The following OGDH variants were observed in gnomAD, a reference collection of about 807,000 sequenced individuals.
OGDH encodes oxoglutarate dehydrogenase.
OGDH carries 38 observed loss-of-function variants against 116.6 expected under a neutral mutation model. The ratio of observed to expected loss-of-function variants is 0.33; its 90% CI spans 0.25 to 0.43. The LOEUF (loss-of-function observed/expected upper bound fraction) is 0.43. Among genes scored for constraint, OGDH ranks in the 20% least tolerant of loss-of-function variants. OGDH has a pLI of 1.00. For missense variants in OGDH, 825 were observed against 1,357.2 expected, an observed-to-expected ratio of 0.61 and a Z score of 6.16; for synonymous variants, 488 against 533.3, an observed-to-expected ratio of 0.92 and a Z score of 1.17.
intron 4 of OGDH, among the ~76,000 whole-genome samples, chr7:44,653,485 TCA>T (rs1786544020): frequency 6.6e-6 from 1 of 152,218 alleles, no homozygotes; most frequent in Non-Finnish European, 1.5e-5. Context: ...GTATAACTTT[TCA>T]CAGTGACAAA....
At chr7:44,689,179 A>G (rs1475996756) in intron 10 of OGDH, among the ~76,000 whole-genome samples, 4 of 148,052 alleles carry the variant, frequency 2.7e-5, no homozygotes, top group African/African-American at 1.0e-4. Flanking sequence ...TGCCATTTTT[A>G]CATTCCCACT....
At chr7:44,696,779 C>T in intron 14 of OGDH, 135 bp from the exon 15 acceptor site, 2 of 1,270,550 alleles carry the variant, frequency 1.6e-6, no homozygotes, top group Non-Finnish European at 2.1e-6. Flanking sequence ...ACTGAGGTCA[C>T]AGCTTTTCCA....
intron 1 of OGDH, among the ~76,000 whole-genome samples, chr7:44,622,447 TTTTG>T (rs1010517071): frequency 8.7e-4 from 132 of 152,282 alleles, no homozygotes; most frequent in African/African-American, 3.1e-3. Flanking sequence ...AGGAGCAAGT[TTTTG>T]TTTGTTGTTC....
chr7:44,612,865 T>TTTTTCTTTTCTTTTC (rs367833555), intron 1 of OGDH, among the ~76,000 whole-genome samples: 1 of 147,368 alleles, frequency 6.8e-6, no homozygotes, highest in African/African-American at 2.5e-5. Context: ...CTGGCTGTTT[T>TTTTTCTTTTCTTTTC]TTTTCTTTTC....
In OGDH at chr7:44,697,855, T is replaced by C. The variant is rs947591832; in HGVS notation, c.2358+73T>C. 33 of 1,511,778 alleles carry C rather than the reference T, an allele frequency of 2.2e-5. No individual in the cohort carries two copies. The highest frequency in any genetic ancestry group is 2.9e-5 in the Non-Finnish European group (33 of 1,130,132). The allele number at this position is 1,511,778 out of a possible 1,614,324, so 93.6% of individuals were successfully genotyped here. Reference sequence around the variant, plus strand: ...TGTGTAGGACCCTGACCCCAAAGACTGGCACGAGAGCCAGTGGCTCACACC... The same window carrying C: ...TGTGTAGGACCCTGACCCCAAAGACCGGCACGAGAGCCAGTGGCTCACACC... On this transcript the variant is annotated intron_variant, in intron 17 of 22. Coordinates refer to ENST00000222673, the MANE Select transcript of OGDH (RefSeq NM_002541.4). The surrounding 1 kb of genome is among the most constrained non-coding windows in gnomAD (Gnocchi z 6.0).
At chr7:44,638,818 T>C (rs764875619) in intron 2 of OGDH, among the ~76,000 whole-genome samples, 2 of 152,242 alleles carry the variant, frequency 1.3e-5, no homozygotes, top group Non-Finnish European at 2.9e-5. Context: ...AGATGGGACA[T>C]GCTTTGACTC....
chr7:44,616,652 CAT>C (rs973996535), intron 1 of OGDH, among the ~76,000 whole-genome samples: 2 of 146,946 alleles, frequency 1.4e-5, no homozygotes, highest in African/African-American at 2.5e-5. Context: ...TATATATACA[CAT>C]ATATATACGT....
At chr7:44,620,563 C>T (rs376015743) in intron 1 of OGDH, among the ~76,000 whole-genome samples, 22 of 152,180 alleles carry the variant, frequency 1.4e-4, no homozygotes, top group African/African-American at 5.1e-4. Context: ...CTAGTTGTCC[C>T]AGCACCTTCA....
intron 1 of OGDH, among the ~76,000 whole-genome samples, chr7:44,610,843 G>T (rs747328127): frequency 1.1e-4 from 16 of 150,056 alleles, no homozygotes; most frequent in Non-Finnish European, 1.5e-4. Flanking sequence ...TCCTGACCTC[G>T]TGATCGACAC....
chr7:44,645,645 C>T, intron 3 of OGDH, 127 bp downstream of exon 3: 1 of 863,552 alleles, frequency 1.2e-6, no homozygotes, highest in Non-Finnish European at 1.7e-6. Flanking sequence ...ATACTAGGTG[C>T]TTTCTCCCTG....
intron 10 of OGDH, among the ~76,000 whole-genome samples, chr7:44,684,515 T>C (rs760104590): frequency 3.9e-5 from 6 of 152,198 alleles, no homozygotes; most frequent in Non-Finnish European, 8.8e-5. Flanking sequence ...AGCTACCACT[T>C]ACTGCCTACT....
intron 1 of OGDH, among the ~76,000 whole-genome samples, chr7:44,612,321 C>T (rs1309347149): frequency 1.3e-5 from 2 of 152,094 alleles, no homozygotes; most frequent in African/African-American, 4.8e-5. Context: ...GTCTCAAAAT[C>T]GGATAGATTG....
intron 5 of OGDH, among the ~76,000 whole-genome samples, chr7:44,668,751 A>G (rs192887446): frequency 2.6e-5 from 4 of 152,354 alleles, no homozygotes; most frequent in Admixed American, 2.6e-4. Context: ...TACTAGCCAC[A>G]TGTTACTATT....
At chr7:44,692,512 G>A (rs1364029667) in intron 10 of OGDH, among the ~76,000 whole-genome samples, 3 of 152,180 alleles carry the variant, frequency 2.0e-5, no homozygotes, top group Admixed American at 6.5e-5. Context: ...GGAGGCCTGC[G>A]GGCTTGAGCC....
chr7:44,610,900 G>A lies in OGDH; in HGVS notation c.-28+4247G>A, dbSNP rs184069348. Among the ~76,000 whole-genome samples, 303 of 152,226 alleles carry A rather than the reference G, an allele frequency of 2.0e-3. 3 individuals carry two copies. Among genetic ancestry groups the A allele is most frequent in the African/African-American group, 6.9e-3 (286 of 41,534 alleles). On this transcript the variant is annotated intron_variant, in intron 1 of 22. Transcript: ENST00000222673. ...TGGGATTACAGGCGTGAGCCACCGC[G>A]CTCAGCCCCTTTTCATCTTCTTAAC... is the stretch of plus-strand genomic sequence containing the variant.
chr7:44,694,580 C>A lies in OGDH; in HGVS notation c.1668+4C>A. 2 of 1,613,892 alleles carry A rather than the reference C, an allele frequency of 1.2e-6. No individual in the cohort carries two copies. The highest frequency in any genetic ancestry group is 1.7e-6 in the Non-Finnish European group (2 of 1,179,860). On this transcript the variant is annotated splice_donor_region_variant and intron_variant, in intron 12 of 22. Transcript: ENST00000222673. This position sits in a 1 kb window ranked among gnomAD's most constrained non-coding sequence, Gnocchi z 4.2. ...GGTCAACCAGCCTGAGTATGAGGTA[C>A]GTCCCTGCGGCTCTATCCCAGTGCG... is the stretch of plus-strand genomic sequence containing the variant.
chr7:44,700,427 C>T (rs986644320), intron 19 of OGDH, among the ~76,000 whole-genome samples, 158 bp downstream of exon 19: 5 of 152,222 alleles, frequency 3.3e-5, no homozygotes, highest in Admixed American at 2.0e-4. Context: ...CGCCCTTCCT[C>T]CTCACTGCTG....
chr7:44,663,738 C>A lies in OGDH; in HGVS notation c.518-2998C>A, dbSNP rs1787052937. On this transcript the variant is annotated intron_variant, in intron 4 of 22. Coordinates refer to ENST00000222673, the MANE Select transcript of OGDH (RefSeq NM_002541.4). ...GCAGTGAGCTGAGATGGTGCCACGG[C>A]ACTCTAGCCTGGGCAACAGAGCGAG... 1.3e-5 allele frequency among the ~76,000 whole-genome samples: 2 copies of A among 152,160 alleles called. 1 individual carries two copies. Among genetic ancestry groups the A allele is most frequent in the East Asian group, 3.8e-4 (2 of 5,200 alleles).
chr7:44,627,704 G>A (rs1336609694), intron 2 of OGDH, among the ~76,000 whole-genome samples: 1 of 152,014 alleles, frequency 6.6e-6, no homozygotes, highest in Non-Finnish European at 1.5e-5. Flanking sequence ...TTGAGATGGA[G>A]TCTCACTCTG....
Sources: gnomAD v4.1 joint callset for allele counts (sites outside exome capture counted in the v4.1 genomes callset) on GRCh38, gnomAD v4.1.1 for gene constraint, Gnocchi (gnomAD v3.1) non-coding constraint, MANE v1.5 for transcripts, NCBI Gene and HGNC (gene_info 2026-07-23, HGNC 2026-07-21) for gene names.